Variants in AGBL1 observed in about 807,000 individuals in gnomAD.
AGBL1 encodes cytosolic carboxypeptidase 4.
AGBL1 carries 130 observed loss-of-function variants against 118.9 expected under a neutral mutation model. The ratio of observed to expected loss-of-function variants is 1.09; its 90% CI spans 0.95 to 1.26. AGBL1 has a LOEUF of 1.26. Ranked by LOEUF, AGBL1 falls within the 50% of genes most tolerant of loss-of-function variation. The pLI, the probability that AGBL1 is intolerant of heterozygous loss-of-function variation, is 0.00. For missense variants in AGBL1, 1,584 were observed against 1,298.1 expected (o/e 1.22, Z -3.38); for synonymous variants, 555 against 478.9 (o/e 1.16, Z -2.08).
chr15:86,132,632 C>G lies in AGBL1; in HGVS notation c.52-9372C>G, dbSNP rs147262091. On this transcript the variant is annotated intron_variant, in intron 1 of 22. Coordinates refer to ENST00000614907, the MANE Select transcript of AGBL1 (RefSeq NM_001386094.1). ...ATGGAGCCTGCTTTCCAATCAGCAT[C>G]ATTTAAAAGAAAACAGAGAACCTTT... Among the ~76,000 whole-genome samples, 327 of 152,272 alleles carry G rather than the reference C, an allele frequency of 2.1e-3. 1 individual carries two copies. Among genetic ancestry groups the G allele is most frequent in the African/African-American group, 7.7e-3 (318 of 41,552 alleles).
At chr15:86,510,918 G>C (rs945732824) in intron 18 of AGBL1, among the ~76,000 whole-genome samples, 2 of 152,064 alleles carry the variant, frequency 1.3e-5, no homozygotes, top group African/African-American at 4.8e-5. Context: ...ACTGTGATGG[G>C]TTGGTGCTGA....
chr15:86,748,825 T>G (rs974740159), intron 22 of AGBL1, among the ~76,000 whole-genome samples: 1 of 152,018 alleles, frequency 6.6e-6, no homozygotes, highest in African/African-American at 2.4e-5. Flanking sequence ...GTTGTAGATG[T>G]GTGGTATTAT....
At chr15:86,688,489 G>A (rs2086103875) in intron 22 of AGBL1, among the ~76,000 whole-genome samples, 1 of 152,108 alleles carries the variant, frequency 6.6e-6, no homozygotes, top group African/African-American at 2.4e-5. Flanking sequence ...AACTGAAGTT[G>A]AGCAAATATT....
At chr15:86,792,738 T>C (rs761175921) in intron 22 of AGBL1, among the ~76,000 whole-genome samples, 49 of 152,040 alleles carry the variant, frequency 3.2e-4, no homozygotes, top group Non-Finnish European at 5.6e-4. Context: ...TCCCAGGAGC[T>C]CAGGACCAGC....
intron 5 of AGBL1, among the ~76,000 whole-genome samples, chr15:86,175,906 A>C (rs908563360): frequency 6.6e-6 from 1 of 152,210 alleles, no homozygotes. Flanking sequence ...GTGGCCTAAC[A>C]TATGGTCTGT....
intron 23 of AGBL1, among the ~76,000 whole-genome samples, chr15:86,984,455 C>G (rs1034615323): frequency 1.3e-5 from 2 of 151,376 alleles, no homozygotes; most frequent in South Asian, 4.2e-4. Context: ...ACCTCCGCCC[C>G]GCTGGGTTCG....
intron 5 of AGBL1, among the ~76,000 whole-genome samples, chr15:86,161,505 T>C (rs768703378): frequency 5.9e-5 from 9 of 152,250 alleles, no homozygotes; most frequent in Non-Finnish European, 1.3e-4. Context: ...CCTCAGCTCT[T>C]AAGCCACCAC....
intron 18 of AGBL1, among the ~76,000 whole-genome samples, chr15:86,508,383 A>C (rs773201158): frequency 1.6e-4 from 24 of 152,134 alleles, no homozygotes; most frequent in Admixed American, 1.0e-3. Flanking sequence ...AAAAATAATG[A>C]CAAAAAAGAA....
At chr15:86,584,109 A>G (rs2084212707) in intron 21 of AGBL1, among the ~76,000 whole-genome samples, 1 of 152,094 alleles carries the variant, frequency 6.6e-6, no homozygotes, top group Non-Finnish European at 1.5e-5. Context: ...CATAGTTTGC[A>G]AATACTTTTT....
intron 22 of AGBL1, among the ~76,000 whole-genome samples, chr15:86,770,043 C>T (rs1268809353): frequency 1.6e-4 from 24 of 151,964 alleles, no homozygotes; most frequent in Admixed American, 1.4e-3. Context: ...CTTACCTCTG[C>T]AATAGGATGA....
intron 22 of AGBL1, among the ~76,000 whole-genome samples, chr15:86,864,523 G>A (rs1052462542): frequency 2.0e-5 from 3 of 152,130 alleles, no homozygotes; most frequent in African/African-American, 7.2e-5. Context: ...ATGGTAATTG[G>A]TATTAGAGCT....
chr15:87,028,281 A>G (rs533066205), intron 24 of AGBL1, among the ~76,000 whole-genome samples: 4 of 152,098 alleles, frequency 2.6e-5, no homozygotes, highest in African/African-American at 7.2e-5. Flanking sequence ...TAATACAACT[A>G]TCATGCAGGC....
At chr15:86,554,777 G>A (rs1220924281) in intron 21 of AGBL1, among the ~76,000 whole-genome samples, 2 of 152,124 alleles carry the variant, frequency 1.3e-5, no homozygotes, top group African/African-American at 4.8e-5. Flanking sequence ...GCCCTCACTA[G>A]CAAGCAGCTG....
chr15:86,570,703 A>AC (rs2142309370), intron 21 of AGBL1, among the ~76,000 whole-genome samples: 1 of 152,294 alleles, frequency 6.6e-6, no homozygotes, highest in Admixed American at 6.5e-5. Flanking sequence ...GGTCTTTTTC[A>AC]GCCCCAGCTT....
chr15:86,691,155 C>G (rs918082982), intron 22 of AGBL1, among the ~76,000 whole-genome samples: 1 of 151,906 alleles, frequency 6.6e-6, no homozygotes, highest in Non-Finnish European at 1.5e-5. Flanking sequence ...CTAAATAATA[C>G]TGTTGTGTGG....
chr15:86,485,012 C>T (rs550099676), intron 18 of AGBL1, among the ~76,000 whole-genome samples: 17 of 152,210 alleles, frequency 1.1e-4, no homozygotes, highest in Middle Eastern at 3.4e-3. Context: ...TATCTTTGAA[C>T]CTTAGTCATC....
intron 22 of AGBL1, among the ~76,000 whole-genome samples, chr15:86,799,187 T>A (rs1443512069): frequency 1.3e-5 from 2 of 151,858 alleles, no homozygotes; most frequent in African/African-American, 4.8e-5. Context: ...TTTATTTTAT[T>A]ATTATTATAC....
chr15:86,907,008 C>T (rs1596618926), intron 22 of AGBL1, 79 bp from the exon 23 acceptor site: 1 of 152,296 alleles, frequency 6.6e-6, no homozygotes, highest in South Asian at 2.1e-4. Flanking sequence ...CCTTCTACTT[C>T]CCTTTCCCTT....
intron 18 of AGBL1, among the ~76,000 whole-genome samples, chr15:86,461,226 C>T (rs2082331933): frequency 6.6e-6 from 1 of 152,070 alleles, no homozygotes; most frequent in Non-Finnish European, 1.5e-5. Flanking sequence ...TACCAACACT[C>T]TAGAAAGTCC....
Sources: gnomAD v4.1 joint callset for allele counts (sites outside exome capture counted in the v4.1 genomes callset) on GRCh38, gnomAD v4.1.1 for gene constraint, MANE v1.5 for transcripts, NCBI Gene and HGNC (gene_info 2026-07-23, HGNC 2026-07-21) for gene names.